Variants in PTPRT observed in about 807,000 individuals in gnomAD.
PTPRT encodes the protein receptor-type tyrosine-protein phosphatase T.
Under a neutral mutation model 176.8 loss-of-function variants are expected in PTPRT, and 56 were observed. That is an observed-to-expected ratio of 0.32 (90% CI 0.26 to 0.40). PTPRT has a LOEUF of 0.40. PTPRT is among the 10% of genes least tolerant of loss of function. The pLI is 1.00. For missense variants in PTPRT, 1,540 were observed against 1,908.2 expected (o/e 0.81, Z 3.60); for synonymous variants, 783 against 739.0 (o/e 1.06, Z -0.96).
chr20:42,597,395 G>A (rs118085882), intron 7 of PTPRT, among the ~76,000 whole-genome samples: 117 of 152,212 alleles, frequency 7.7e-4, no homozygotes, highest in Non-Finnish European at 1.3e-3. Context: ...TGGCGATATG[G>A]TTTGGATCTG....
intron 11 of PTPRT, among the ~76,000 whole-genome samples, chr20:42,331,562 C>A (rs1469942723): frequency 6.6e-6 from 1 of 152,024 alleles, no homozygotes; most frequent in East Asian, 1.9e-4. Context: ...CCAGATAGGG[C>A]AAACAAATGC....
chr20:42,788,962 A>G (rs978607093), intron 3 of PTPRT, among the ~76,000 whole-genome samples: 1 of 152,252 alleles, frequency 6.6e-6, no homozygotes, highest in Non-Finnish European at 1.5e-5. Context: ...TAATGAGACT[A>G]GGAAACTGAA....
intron 7 of PTPRT, among the ~76,000 whole-genome samples, chr20:42,503,609 T>G (rs2071793748): frequency 2.6e-5 from 4 of 152,288 alleles, no homozygotes; most frequent in African/African-American, 9.6e-5. Flanking sequence ...TTGTAATTGT[T>G]TTATGTATTC....
At chr20:42,233,639 T>G (rs1207410514) in intron 15 of PTPRT, among the ~76,000 whole-genome samples, 2 of 152,258 alleles carry the variant, frequency 1.3e-5, no homozygotes, top group Middle Eastern at 6.8e-3. Context: ...TTGGTGGTAG[T>G]TGGGATGGGA....
At chr20:42,452,404 G>T (rs912894592) in intron 8 of PTPRT, among the ~76,000 whole-genome samples, 2 of 152,114 alleles carry the variant, frequency 1.3e-5, no homozygotes, top group Non-Finnish European at 2.9e-5. Context: ...GAGAGAAGAG[G>T]AGAGGATGGA....
intron 13 of PTPRT, among the ~76,000 whole-genome samples, chr20:42,258,223 T>C (rs1277679179): frequency 1.3e-5 from 2 of 152,192 alleles, no homozygotes; most frequent in African/African-American, 4.8e-5. Flanking sequence ...TTCATGCATC[T>C]TTCTTGAAGA....
At chr20:42,360,255 C>T (rs1275454296) in intron 9 of PTPRT, among the ~76,000 whole-genome samples, 2 of 152,148 alleles carry the variant, frequency 1.3e-5, no homozygotes, top group Non-Finnish European at 2.9e-5. Context: ...ACAGGTGCTC[C>T]CTCCACCAAC....
intron 1 of PTPRT, among the ~76,000 whole-genome samples, chr20:42,945,191 A>T (rs1006340938): frequency 6.6e-6 from 1 of 151,216 alleles, no homozygotes; most frequent in Non-Finnish European, 1.5e-5. Flanking sequence ...AGATACATAT[A>T]TATGTATGTA....
At chr20:43,010,791 T>TA (rs1985078153) in intron 1 of PTPRT, among the ~76,000 whole-genome samples, 1 of 151,868 alleles carries the variant, frequency 6.6e-6, no homozygotes, top group Non-Finnish European at 1.5e-5. Context: ...CCATGAGTAC[T>TA]AAGCAGGTTC....
At chr20:42,440,138 C>T (rs1042747054) in intron 9 of PTPRT, among the ~76,000 whole-genome samples, 1 of 152,148 alleles carries the variant, frequency 6.6e-6, no homozygotes, top group Admixed American at 6.5e-5. Context: ...ATCTCTTGAC[C>T]TCATGATTCA....
chr20:42,754,184 TCA>T (rs2076798748), intron 6 of PTPRT, among the ~76,000 whole-genome samples: 2 of 131,058 alleles, frequency 1.5e-5, no homozygotes, highest in Non-Finnish European at 3.3e-5. Flanking sequence ...TAATAAATCT[TCA>T]AAAAAAATTT....
At chr20:42,692,146 T>C (rs2075803245) in intron 6 of PTPRT, among the ~76,000 whole-genome samples, 1 of 152,192 alleles carries the variant, frequency 6.6e-6, no homozygotes, top group Admixed American at 6.5e-5. Flanking sequence ...ATATCACCTT[T>C]ACACAAATTA....
chr20:42,806,885 A>G (rs1206041698), intron 2 of PTPRT, among the ~76,000 whole-genome samples: 6 of 152,196 alleles, frequency 3.9e-5, no homozygotes, highest in African/African-American at 1.4e-4. Context: ...CCTCTCTGTC[A>G]CTCACTGCCT....
At chr20:42,837,775 T>A (rs6030514) in intron 2 of PTPRT, among the ~76,000 whole-genome samples, 3,996 of 151,758 alleles carry the variant, frequency 0.026, 161 homozygotes, top group African/African-American at 0.087. Context: ...CAGTGAAGAG[T>A]GACTGCCAGG....
chr20:42,611,564 T>C (rs1274414674), intron 7 of PTPRT, among the ~76,000 whole-genome samples: 1 of 145,722 alleles, frequency 6.9e-6, no homozygotes, highest in East Asian at 1.9e-4. Flanking sequence ...TGTATCCCAG[T>C]CCACTCTCAG....
intron 17 of PTPRT, among the ~76,000 whole-genome samples, chr20:42,154,133 G>A (rs774249814): frequency 3.8e-4 from 58 of 152,172 alleles, no homozygotes; most frequent in Non-Finnish European, 6.8e-4. Context: ...TGATTTGGGC[G>A]TGGGCCAGTA....
chr20:43,138,685 C>A (rs1383684685), intron 1 of PTPRT, among the ~76,000 whole-genome samples: 3 of 152,164 alleles, frequency 2.0e-5, no homozygotes, highest in Admixed American at 6.5e-5. Context: ...GCATCTCCGC[C>A]CACTCTACCC....
intron 2 of PTPRT, among the ~76,000 whole-genome samples, chr20:42,805,306 G>A (rs977523485): frequency 1.3e-5 from 2 of 152,164 alleles, no homozygotes; most frequent in African/African-American, 4.8e-5. Context: ...GTTTGTGACT[G>A]TGGTTAGTAA....
intron 3 of PTPRT, among the ~76,000 whole-genome samples, chr20:42,785,399 G>T (rs1230924724): frequency 6.6e-6 from 1 of 152,178 alleles, no homozygotes; most frequent in East Asian, 1.9e-4. Context: ...TTAGCCCATA[G>T]AATCATATGT....
Sources: gnomAD v4.1 joint callset for allele counts (sites outside exome capture counted in the v4.1 genomes callset) on GRCh38, gnomAD v4.1.1 for gene constraint, MANE v1.5 for transcripts, NCBI Gene and HGNC (gene_info 2026-07-23, HGNC 2026-07-21) for gene names.